CDC42SE1: variants seen among roughly 807,000 people sequenced by gnomAD.
The protein encoded by CDC42SE1 is CDC42 small effector 1.
In CDC42SE1, 10 loss-of-function variants were observed where a neutral mutation model predicts 10.9. That is an observed-to-expected ratio of 0.92 (90% CI 0.57 to 1.56). The LOEUF (loss-of-function observed/expected upper bound fraction) is 1.56, where lower values mean the gene tolerates loss of function less well. Ranked by LOEUF, CDC42SE1 falls within the 40% of genes most tolerant of loss-of-function variation. The pLI, the probability that CDC42SE1 is intolerant of heterozygous loss-of-function variation, is 0.00. For missense variants in CDC42SE1, 81 were observed against 100.8 expected, an observed-to-expected ratio of 0.80 and a Z score of 0.84; for synonymous variants, 24 against 32.0, an observed-to-expected ratio of 0.75 and a Z score of 0.85.
At chr1:151,054,397 G>T in intron 3 of CDC42SE1, 76 bp from the exon 4 acceptor site, 1 of 1,182,388 alleles carries the variant, frequency 8.5e-7, no homozygotes, top group Non-Finnish European at 1.3e-6. Flanking sequence ...GTGCCTTCCA[G>T]GGAAGAGGCT....
Position 151,059,020 on chromosome 1 carries a change from C to G in CDC42SE1, c.-264+459G>C, listed in dbSNP as rs1676344519. On this transcript the variant is annotated intron_variant, in intron 1 of 4. Transcript: ENST00000357235. ...AGCGGTGTGGACTCCATATTTCAGCCAAGTGACAGGCCCAACACCAACCTT... is the reference window on the plus strand; with the variant it reads ...AGCGGTGTGGACTCCATATTTCAGCGAAGTGACAGGCCCAACACCAACCTT... 3.9e-5 allele frequency: 6 copies of G among 152,310 alleles called. No homozygotes were observed. In the South Asian group the frequency reaches 1.2e-3, roughly 32 times the overall value. The allele number at this position is 152,310 out of a possible 1,614,324, so 9.4% of individuals were successfully genotyped here.
intron 1 of CDC42SE1, chr1:151,058,741 A>T (rs1676336663): frequency 6.6e-6 from 1 of 152,546 alleles, no homozygotes; most frequent in Admixed American, 6.6e-5. Flanking sequence ...GGGATGGGAA[A>T]GAGGTGCCAG....
At chr1:151,056,895 T>C (rs1234053668) in intron 1 of CDC42SE1, 1 of 152,450 alleles carries the variant, frequency 6.6e-6, no homozygotes, top group Non-Finnish European at 1.5e-5. Flanking sequence ...TCACACCCTA[T>C]AGGGCCCAGG....
intron 1 of CDC42SE1, among the ~76,000 whole-genome samples, chr1:151,056,232 G>C (rs1044935931): frequency 2.0e-5 from 3 of 152,178 alleles, no homozygotes; most frequent in Admixed American, 1.3e-4. Flanking sequence ...GGAGAGGAAG[G>C]GGGCTAGAAG....
At chr1:151,055,160 G>A (rs1361362889) in intron 2 of CDC42SE1, 34 bp from the exon 3 acceptor site, 7 of 1,491,274 alleles carry the variant, frequency 4.7e-6, no homozygotes, top group Non-Finnish European at 9.4e-7. Context: ...ATGTCTTAAG[G>A]CCCCTCCTCC....
chr1:151,054,177 A>C, intron 4 of CDC42SE1, 54 bp downstream of exon 4: 1 of 1,105,058 alleles, frequency 9.0e-7, no homozygotes, highest in South Asian at 1.2e-5. Context: ...TCAGGGTATC[A>C]GGTTGTGCTG....
Position 151,055,742 on chromosome 1 carries a change from G to A in CDC42SE1, c.-12C>T, listed in dbSNP as rs753102580. 30 of 1,611,514 alleles carry A rather than the reference G, an allele frequency of 1.9e-5. No homozygotes were observed. Among genetic ancestry groups the A allele is most frequent in the Non-Finnish European group, 2.5e-5 (29 of 1,178,114 alleles). Reference sequence around the variant, plus strand: ...CAAAATTCACTCATGTTCCCTGATGGTTCCAGCTTCACTCCGCTGTCTGAG... The same window carrying A: ...CAAAATTCACTCATGTTCCCTGATGATTCCAGCTTCACTCCGCTGTCTGAG... On this transcript the variant is annotated 5_prime_UTR_variant, in exon 2 of 5. Transcript: ENST00000357235.
rs1000737106 is a variant in CDC42SE1, at chr1:151,057,297, G to A, written c.-263-1304C>T. 6.6e-6 allele frequency among the ~76,000 whole-genome samples: 1 copy of A among 152,166 alleles called. No homozygotes were observed. Among genetic ancestry groups the A allele is most frequent in the Non-Finnish European group, 1.5e-5 (1 of 68,030 alleles). ...AGCACTTTGGGAGGCCAAGGTGGGC[G>A]GATCACCTGAGGTCAGGAGTTCCAG... On this transcript the variant is annotated intron_variant, in intron 1 of 4. Transcript: ENST00000357235. This position sits in a 1 kb window ranked among gnomAD's most constrained non-coding sequence, Gnocchi z 4.0.
rs936097293 is a variant in CDC42SE1 at position 151,057,603 on chromosome 1, C to A, written c.-263-1610G>T. Among the ~76,000 whole-genome samples, 2 of 152,030 alleles carry A rather than the reference C, an allele frequency of 1.3e-5. No individual in the cohort carries two copies. Among genetic ancestry groups the A allele is most frequent in the African/African-American group, 4.8e-5 (2 of 41,362 alleles). On this transcript the variant is annotated intron_variant, in intron 1 of 4. Coordinates refer to ENST00000357235, the MANE Select transcript of CDC42SE1 (RefSeq NM_020239.4). The surrounding 1 kb of genome is among the most constrained non-coding windows in gnomAD (Gnocchi z 4.0). ...ACTGGGGAGGCTGAGGCAGGAGGAT[C>A]ACTTGAGCCCAAGAGTTGCGGCTAC... is the stretch of plus-strand genomic sequence containing the variant.
chr1:151,057,001 AC>A lies in CDC42SE1; in HGVS notation c.-263-1009del, dbSNP rs1023323215. Among the ~76,000 whole-genome samples the A allele has an allele frequency of 2.9e-4, 44 of 152,314 alleles. No individual in the cohort carries two copies. Among genetic ancestry groups the A allele is most frequent in the African/African-American group, 1.1e-3 (44 of 41,564 alleles). On this transcript the variant is annotated intron_variant, in intron 1 of 4. Transcript: ENST00000357235. This position sits in a 1 kb window ranked among gnomAD's most constrained non-coding sequence, Gnocchi z 4.0. Reference sequence around the variant, plus strand: ...CAGACATAAGGAACTTTCCAATAGTACTAGTGTCCAAGGAAGAACTTCCTCC... The same window carrying A: ...CAGACATAAGGAACTTTCCAATAGTATAGTGTCCAAGGAAGAACTTCCTCC...
At chr1:151,054,033 G>A (rs761161754) in intron 4 of CDC42SE1, among the ~76,000 whole-genome samples, 198 bp downstream of exon 4, 4 of 151,524 alleles carry the variant, frequency 2.6e-5, no homozygotes, top group South Asian at 2.1e-4. Flanking sequence ...GTTTTGCCTC[G>A]TTGGCCAGGC....
At position 151,053,183 on chromosome 1, in the gene CDC42SE1, G is replaced by T. The variant is rs1676215760; in HGVS notation, c.*161C>A. 2.6e-5 allele frequency: 4 copies of T among 152,926 alleles called. No individual in the cohort carries two copies. Among genetic ancestry groups the T allele is most frequent in the African/African-American group, 9.6e-5 (4 of 41,458 alleles). The allele number at this position is 152,926 out of a possible 1,614,324, so 9.5% of individuals were successfully genotyped here. On this transcript the variant is annotated 3_prime_UTR_variant, in exon 5 of 5. Coordinates refer to ENST00000357235, the MANE Select transcript of CDC42SE1 (RefSeq NM_020239.4). ...GGGGCTATGGCCAGAGGGAGTAGAGGGAGTCCAGCCCCCAAGCCTTGTGAG... is the reference window on the plus strand; with the variant it reads ...GGGGCTATGGCCAGAGGGAGTAGAGTGAGTCCAGCCCCCAAGCCTTGTGAG...
Position 151,057,099 on chromosome 1 carries a change from C to T in CDC42SE1, c.-263-1106G>A, listed in dbSNP as rs2102976720. On this transcript the variant is annotated intron_variant, in intron 1 of 4. Coordinates refer to ENST00000357235, the MANE Select transcript of CDC42SE1 (RefSeq NM_020239.4). This position sits in a 1 kb window ranked among gnomAD's most constrained non-coding sequence, Gnocchi z 4.0. ...TAGACTCACTTGCATTTCCCCAGTCCTATAGTACAGACAACCTCAAAGATT... is the reference window on the plus strand; with the variant it reads ...TAGACTCACTTGCATTTCCCCAGTCTTATAGTACAGACAACCTCAAAGATT... Among the ~76,000 whole-genome samples, 1 of 152,344 alleles carries T rather than the reference C, an allele frequency of 6.6e-6. No homozygotes were observed. Among genetic ancestry groups the T allele is most frequent in the Middle Eastern group, 3.4e-3 (1 of 294 alleles).
In CDC42SE1 at chr1:151,051,441, T is replaced by C. The variant is rs1399984404; in HGVS notation, c.*1903A>G. The C allele has an allele frequency of 2.9e-5, 4 of 139,128 alleles. No individual in the cohort carries two copies. Among genetic ancestry groups the C allele is most frequent in the Admixed American group, 1.5e-4 (2 of 13,178 alleles). The allele number at this position is 139,128 out of a possible 1,614,324, so 8.6% of individuals were successfully genotyped here. On this transcript the variant is annotated 3_prime_UTR_variant, in exon 5 of 5. Transcript: ENST00000357235. Reference sequence around the variant, plus strand: ...AAAAAGAACCTCAGTCACTGTTCTGTAGGGATAAGCAAACTGAATGGGTGG... The same window carrying C: ...AAAAAGAACCTCAGTCACTGTTCTGCAGGGATAAGCAAACTGAATGGGTGG...
chr1:151,054,619 C>G (rs915122137), intron 3 of CDC42SE1, among the ~76,000 whole-genome samples: 1 of 152,192 alleles, frequency 6.6e-6, no homozygotes, highest in Non-Finnish European at 1.5e-5. Flanking sequence ...ATTTTGGGAA[C>G]AGAAGTGCAT....
At chr1:151,055,194 G>A in intron 2 of CDC42SE1, 68 bp from the exon 3 acceptor site, 1 of 1,206,842 alleles carries the variant, frequency 8.3e-7, no homozygotes, top group Non-Finnish European at 1.2e-6. Flanking sequence ...GAAGGGAAAA[G>A]AGTCTTCAAA....
chr1:151,054,342 GAC>G, intron 3 of CDC42SE1, 21 bp from the exon 4 acceptor site: 1 of 1,584,964 alleles, frequency 6.3e-7, no homozygotes, highest in Non-Finnish European at 8.7e-7. Flanking sequence ...ACAGATGCGA[GAC>G]ACCTTCGTAA....
intron 2 of CDC42SE1, chr1:151,055,412 A>AACTG (rs1467939904): frequency 1.7e-6 from 1 of 598,174 alleles, no homozygotes; most frequent in African/African-American, 1.9e-5. Context: ...TAATGGGGAA[A>AACTG]ACTGACAGGT....
chr1:151,054,919 A>G, intron 3 of CDC42SE1, 97 bp downstream of exon 3: 1 of 891,126 alleles, frequency 1.1e-6, no homozygotes, highest in South Asian at 1.5e-5. Context: ...TTACTTCCCC[A>G]TTGAGTATTT....
Sources: allele counts gnomAD v4.1 joint callset (sites outside exome capture counted in the v4.1 genomes callset), GRCh38; gene constraint gnomAD v4.1.1; non-coding constraint Gnocchi (gnomAD v3.1); transcripts MANE v1.5; gene names NCBI Gene and HGNC (gene_info 2026-07-23, HGNC 2026-07-21).